MLIP: variants seen among roughly 807,000 people sequenced by gnomAD.
MLIP encodes the protein muscular LMNA interacting protein.
In MLIP, 79 loss-of-function variants were observed where a neutral mutation model predicts 84.8. That is an observed-to-expected ratio of 0.93 (90% CI 0.78 to 1.12). MLIP has a LOEUF of 1.12. MLIP is among the 50% of genes most tolerant of loss of function. The pLI is 0.00. For missense variants in MLIP, 1,257 were observed against 1,160.6 expected, an observed-to-expected ratio of 1.08 and a Z score of -1.21; for synonymous variants, 504 against 463.0, an observed-to-expected ratio of 1.09 and a Z score of -1.14.
At chr6:54,037,650 GAA>G (rs1764520850) in intron 1 of MLIP, among the ~76,000 whole-genome samples, 1 of 151,952 alleles carries the variant, frequency 6.6e-6, no homozygotes. Context: ...TAAATTTGCA[GAA>G]GTTTATCAGA....
At chr6:54,255,366 T>A (rs1782939756) in intron 12 of MLIP, among the ~76,000 whole-genome samples, 1 of 152,176 alleles carries the variant, frequency 6.6e-6, no homozygotes, top group Non-Finnish European at 1.5e-5. Context: ...TACCAGGTTG[T>A]TGTGAAAACT....
At chr6:54,184,025 T>A (rs1421457033) in intron 9 of MLIP, among the ~76,000 whole-genome samples, 1 of 152,086 alleles carries the variant, frequency 6.6e-6, no homozygotes. Context: ...TCTTTATCAT[T>A]TTATAATTTT....
intron 12 of MLIP, among the ~76,000 whole-genome samples, chr6:54,231,656 C>T (rs1037062610): frequency 6.6e-6 from 1 of 152,076 alleles, no homozygotes; most frequent in African/African-American, 2.4e-5. Flanking sequence ...ATGCTCAGAC[C>T]CTGAAAATTT....
chr6:54,041,301 A>T (rs952692699), intron 1 of MLIP, among the ~76,000 whole-genome samples: 2 of 152,106 alleles, frequency 1.3e-5, no homozygotes, highest in African/African-American at 4.8e-5. Context: ...TCGGTGTTCC[A>T]CAGTTTGTTT....
intron 1 of MLIP, among the ~76,000 whole-genome samples, chr6:54,120,498 C>A (rs941806179): frequency 1.3e-5 from 2 of 152,176 alleles, no homozygotes; most frequent in Admixed American, 1.3e-4. Flanking sequence ...CTTGGCCTCC[C>A]AAAGTGCTGG....
chr6:54,028,639 T>G (rs1732370117), intron 1 of MLIP, among the ~76,000 whole-genome samples: 1 of 152,214 alleles, frequency 6.6e-6, no homozygotes, highest in African/African-American at 2.4e-5. Context: ...TGTTTTGTTG[T>G]GCCACTTGCT....
chr6:54,102,961 G>C (rs1354552873), intron 1 of MLIP, among the ~76,000 whole-genome samples: 1 of 152,032 alleles, frequency 6.6e-6, no homozygotes, highest in African/African-American at 2.4e-5. Flanking sequence ...CCCTCTTTAG[G>C]TAATGATTTT....
chr6:54,191,172 G>T (rs1049844540), intron 10 of MLIP, among the ~76,000 whole-genome samples: 1 of 152,118 alleles, frequency 6.6e-6, no homozygotes, highest in African/African-American at 2.4e-5. Flanking sequence ...TCACTAAAAT[G>T]ATGGAAATTT....
intron 12 of MLIP, among the ~76,000 whole-genome samples, chr6:54,247,680 T>A (rs1171745734): frequency 6.6e-6 from 1 of 152,096 alleles, no homozygotes; most frequent in Non-Finnish European, 1.5e-5. Flanking sequence ...GGAAGATGGG[T>A]CTGGCAGGCA....
At chr6:54,206,968 T>A (rs968354555) in intron 11 of MLIP, among the ~76,000 whole-genome samples, 1 of 152,218 alleles carries the variant, frequency 6.6e-6, no homozygotes, top group Non-Finnish European at 1.5e-5. Flanking sequence ...TGCTAACATT[T>A]TATTGAGAAA....
chr6:54,088,808 A>G (rs1320974781), intron 1 of MLIP, among the ~76,000 whole-genome samples: 1 of 152,204 alleles, frequency 6.6e-6, no homozygotes, highest in Admixed American at 6.5e-5. Context: ...GTGTCACATT[A>G]TACATTTGTC....
Position 54,045,118 on chromosome 6 carries a change from G to A in MLIP, c.63+26027G>A, listed in dbSNP as rs535067910. On this transcript the variant is annotated intron_variant, in intron 1 of 12. Transcript: ENST00000274897. ...AATCCCAGCACTTAGGGAGGCCGAG[G>A]TGGGCAGTTCACTTGAGGTGAGGGG... Among the ~76,000 whole-genome samples, 14 of 152,118 alleles carry A rather than the reference G, an allele frequency of 9.2e-5. No homozygotes were observed. The South Asian group carries it at 2.3e-3, about 25-fold the overall frequency.
chr6:54,101,689 G>A (rs1768660758), intron 1 of MLIP, among the ~76,000 whole-genome samples: 1 of 152,002 alleles, frequency 6.6e-6, no homozygotes, highest in South Asian at 2.1e-4. Context: ...AACTACTTAT[G>A]GTAATCATAT....
At chr6:54,021,547 A>T (rs1763499719) in intron 1 of MLIP, among the ~76,000 whole-genome samples, 1 of 152,210 alleles carries the variant, frequency 6.6e-6, no homozygotes. Flanking sequence ...ATAAAACAAG[A>T]CAAAATAAGA....
chr6:54,119,242 A>G (rs1169407891), intron 1 of MLIP, among the ~76,000 whole-genome samples: 1 of 152,248 alleles, frequency 6.6e-6, no homozygotes, highest in Non-Finnish European at 1.5e-5. Flanking sequence ...CTGCACTCTT[A>G]TGTTATTACA....
At chr6:54,182,053 G>A (rs1408756752) in intron 9 of MLIP, among the ~76,000 whole-genome samples, 6 of 152,270 alleles carry the variant, frequency 3.9e-5, no homozygotes, top group African/African-American at 1.4e-4. Context: ...CTAGTCTACT[G>A]GCTCTGAGCT....
rs10558454 is a variant in MLIP, at chr6:54,036,241, G to GT, written c.63+17167dup. Among the ~76,000 whole-genome samples the GT allele has an allele frequency of 4.7e-3, 667 of 141,636 alleles. 3 individuals are homozygous for GT. Among genetic ancestry groups the GT allele is most frequent in the South Asian group, 0.021 (91 of 4,388 alleles). The allele number at this position is 141,636 out of a possible 152,430, so 92.9% of individuals were successfully genotyped here. On this transcript the variant is annotated intron_variant, in intron 1 of 12. Coordinates refer to the MLIP transcript ENST00000274897. ...CCTGTGATTTTAGTTAGTCACCACTGTTTTTTTTTTTTTTTTTAAATCTCC... is the reference window on the plus strand; with the variant it reads ...CCTGTGATTTTAGTTAGTCACCACTGTTTTTTTTTTTTTTTTTTAAATCTCC...
Position 54,065,879 on chromosome 6 carries a change from G to A in MLIP, c.63+46788G>A, listed in dbSNP as rs1431478617. On this transcript the variant is annotated intron_variant, in intron 1 of 12. Transcript: ENST00000274897. ...TTTCAGTAGCAGAAAATGGATTTCT[G>A]ACTCTGTTAACTGTATGTAGTCTTT... is the stretch of plus-strand genomic sequence containing the variant. 2.2e-5 allele frequency among the ~76,000 whole-genome samples: 2 copies of A among 89,126 alleles called. 1 individual carries two copies. Among genetic ancestry groups the A allele is most frequent in the Non-Finnish European group, 6.8e-5 (2 of 29,532 alleles). The allele number at this position is 89,126 out of a possible 152,430, so 58.5% of individuals were successfully genotyped here. A position where few individuals can be genotyped will look rare whatever the true frequency, so the allele number is the denominator to read the frequency against.
chr6:54,227,475 A>T (rs1037179872), intron 11 of MLIP, among the ~76,000 whole-genome samples: 1 of 152,230 alleles, frequency 6.6e-6, no homozygotes, highest in Admixed American at 6.5e-5. Flanking sequence ...AATGTTACAT[A>T]TAAAAGAGCA....
Sources: allele counts gnomAD v4.1 joint callset (sites outside exome capture counted in the v4.1 genomes callset), GRCh38; gene constraint gnomAD v4.1.1; transcripts MANE v1.5; gene names NCBI Gene and HGNC (gene_info 2026-07-23, HGNC 2026-07-21).